The following DDX21 variants were observed in gnomAD, a reference collection of about 807,000 sequenced individuals.
DDX21 encodes the protein nucleolar RNA helicase 2.
DDX21 carries 18 observed loss-of-function variants against 90.0 expected under a neutral mutation model. The ratio of observed to expected loss-of-function variants is 0.20; its 90% CI spans 0.14 to 0.30. DDX21 has a LOEUF of 0.30. Ranked by LOEUF, DDX21 falls within the 10% of genes least tolerant of loss-of-function variation. The probability of loss-of-function intolerance (pLI) is 1.00; values close to 1 mark genes in which losing one functional copy is unlikely to be tolerated. For synonymous variants in DDX21, 294 were observed against 318.0 expected, an observed-to-expected ratio of 0.92 and a Z score of 0.80; for missense variants, 673 against 944.5, an observed-to-expected ratio of 0.71 and a Z score of 3.77.
At chr10:68,958,315 C>CTAGGG (rs1436647285) in intron 1 of DDX21, among the ~76,000 whole-genome samples, 1 of 152,140 alleles carries the variant, frequency 6.6e-6, no homozygotes, top group East Asian at 1.9e-4. Flanking sequence ...GTCACCCAAG[C>CTAGGG]TAGAGTGCAG....
rs760908575 is a variant in DDX21 at position 68,959,791 on chromosome 10, A to G, written c.88-15A>G. 4 of 1,513,478 alleles carry G rather than the reference A, an allele frequency of 2.6e-6. No individual in the cohort carries two copies. The highest frequency in any genetic ancestry group is 2.5e-5 in the Admixed American group (1 of 40,200). The allele number at this position is 1,513,478 out of a possible 1,614,324, so 93.8% of individuals were successfully genotyped here. On this transcript the variant is annotated splice_polypyrimidine_tract_variant and intron_variant, in intron 1 of 14. Transcript: ENST00000354185. Reference sequence around the variant, plus strand: ...CTTATTCAGTGTTTGTATTTTCCTTATGAATTTTTTTTAGAAAGAGAAAAA... The same window carrying G: ...CTTATTCAGTGTTTGTATTTTCCTTGTGAATTTTTTTTAGAAAGAGAAAAA...
chr10:68,956,617 A>G (rs993603048), intron 1 of DDX21: 2 of 1,215,332 alleles, frequency 1.6e-6, no homozygotes, highest in African/African-American at 3.1e-5. Context: ...CGGGTGTCCC[A>G]CGTGGTCCCC....
chr10:68,962,553 C>T (rs1018484743), intron 3 of DDX21, among the ~76,000 whole-genome samples: 1 of 152,138 alleles, frequency 6.6e-6, no homozygotes, highest in African/African-American at 2.4e-5. Context: ...GAGTTCAAGG[C>T]TTCAGTGAAC....
chr10:68,965,552 T>C (rs957340415), intron 5 of DDX21, 58 bp downstream of exon 5: 17 of 1,261,986 alleles, frequency 1.3e-5, no homozygotes, highest in African/African-American at 8.9e-5. Context: ...ACTGCTCTGA[T>C]TGGATTTCTT....
At position 68,982,575 on chromosome 10, in the gene DDX21, C is replaced by T. The variant is rs573732690; in HGVS notation, c.2115C>T (p.Leu705=). The change falls in exon 15 of 15, where the codon CTC becomes CTT. Residue 705 remains leucine, a synonymous_variant. Coordinates refer to ENST00000354185, the MANE Select transcript of DDX21 (RefSeq NM_004728.4). The part of the protein sequence containing the change: ...EKWHDSRRWQ[L]SVATEQPELE... ...GGCATGATTCACGACGCTGGCAGCTCTCTGTGGCCACAGAGCAACCAGAAC... is the reference window on the plus strand; with the variant it reads ...GGCATGATTCACGACGCTGGCAGCTTTCTGTGGCCACAGAGCAACCAGAAC... 16 of 1,613,216 alleles carry T rather than the reference C, an allele frequency of 9.9e-6. No homozygotes were observed. In the African/African-American group the frequency reaches 2.0e-4, roughly 20 times the overall value.
chr10:68,979,807 G>A (rs1292131233), intron 13 of DDX21, among the ~76,000 whole-genome samples: 5 of 152,152 alleles, frequency 3.3e-5, no homozygotes, highest in Admixed American at 6.6e-5. Flanking sequence ...TTTCATAGGA[G>A]GATAAGATCC....
rs1408525135 is a variant in DDX21 at position 68,963,614 on chromosome 10, A to T, written c.786+145A>T. 6 of 582,190 alleles carry T rather than the reference A, an allele frequency of 1.0e-5. No homozygotes were observed. The Admixed American group carries it at 1.1e-4, about 11-fold the overall frequency. 36.1% of individuals were successfully genotyped at this position (582,190 alleles called of 1,614,324 possible). On this transcript the variant is annotated intron_variant, in intron 4 of 14. Coordinates refer to ENST00000354185, the MANE Select transcript of DDX21 (RefSeq NM_004728.4). The stretch of plus-strand genomic sequence containing the variant: ...GATCTTTATGTGAAAGTAATCCAGG[A>T]CAATTCTTTTATATTTAATAATTAA...
chr10:68,971,704 G>T lies in DDX21; in HGVS notation c.1387-187G>T, dbSNP rs115023229. On this transcript the variant is annotated intron_variant, in intron 8 of 14. Coordinates refer to ENST00000354185, the MANE Select transcript of DDX21 (RefSeq NM_004728.4). ...CAATAAGTAAAGTTGGATACAGTTG[G>T]AATTGATAACTGAGGATTTGGAAAT... is the stretch of plus-strand genomic sequence containing the variant. Among the ~76,000 whole-genome samples, 1,036 of 152,318 alleles carry T rather than the reference G, an allele frequency of 6.8e-3. 15 individuals carry two copies. The highest frequency in any genetic ancestry group is 0.024 in the African/African-American group (991 of 41,560).
intron 12 of DDX21, among the ~76,000 whole-genome samples, chr10:68,978,297 A>G (rs1395439228): frequency 6.6e-6 from 1 of 152,170 alleles, no homozygotes; most frequent in East Asian, 1.9e-4. Context: ...AATTTTAGAT[A>G]GTGCTGAATG....
At chr10:68,980,240 T>TAA (rs537982171) in intron 13 of DDX21, among the ~76,000 whole-genome samples, 1 of 150,854 alleles carries the variant, frequency 6.6e-6, no homozygotes, top group Non-Finnish European at 1.5e-5. Flanking sequence ...AACTCCGTCT[T>TAA]AAAAAAAAAA....
chr10:68,981,594 CT>C lies in DDX21; in HGVS notation c.2082+15del. The C allele has an allele frequency of 1.2e-6, 2 of 1,601,984 alleles. No homozygotes were observed. The highest frequency in any genetic ancestry group is 1.7e-6 in the Non-Finnish European group (2 of 1,171,424). On this transcript the variant is annotated intron_variant, in intron 14 of 14. Transcript: ENST00000354185. ...AACAGAAATACAGGTATTCTTTTCC[CT>C]TAGATTTTAAAGTTAACATACCTAA...
At chr10:68,971,240 A>G (rs777662083) in intron 8 of DDX21, among the ~76,000 whole-genome samples, 24 of 151,260 alleles carry the variant, frequency 1.6e-4, no homozygotes, top group Non-Finnish European at 3.1e-4. Flanking sequence ...TTTATCTTCA[A>G]CTTTTAGGTT....
At chr10:68,968,927 G>C (rs1422683407) in intron 6 of DDX21, 49 bp from the exon 7 acceptor site, 4 of 1,599,816 alleles carry the variant, frequency 2.5e-6, no homozygotes, top group South Asian at 1.1e-5. Context: ...ATACTATGTA[G>C]GCTTGTTTGG....
At chr10:68,965,555 G>C (rs1011614011) in intron 5 of DDX21, 61 bp downstream of exon 5, 3 of 1,255,278 alleles carry the variant, frequency 2.4e-6, no homozygotes, top group Non-Finnish European at 3.5e-6. Context: ...GCTCTGATTG[G>C]ATTTCTTTTC....
At chr10:68,970,438 A>G in intron 8 of DDX21, 88 bp downstream of exon 8, 1 of 1,297,764 alleles carries the variant, frequency 7.7e-7, no homozygotes, top group Non-Finnish European at 1.0e-6. Context: ...ATTTTCATTC[A>G]TTCAGTGAAT....
At chr10:68,970,379 CTG>C in intron 8 of DDX21, 29 bp downstream of exon 8, 1 of 1,598,536 alleles carries the variant, frequency 6.3e-7, no homozygotes, top group Non-Finnish European at 8.5e-7. Context: ...GCCAGCAAAA[CTG>C]GGGATATCAA....
intron 13 of DDX21, among the ~76,000 whole-genome samples, chr10:68,980,183 T>C (rs2132096210): frequency 6.6e-6 from 1 of 152,194 alleles, no homozygotes; most frequent in South Asian, 2.1e-4. Flanking sequence ...GAGGTTGCGG[T>C]GAGCCGAGAT....
At chr10:68,979,087 A>T in intron 13 of DDX21, 111 bp downstream of exon 13, 1 of 1,451,494 alleles carries the variant, frequency 6.9e-7, no homozygotes, top group East Asian at 2.3e-5. Flanking sequence ...TCACTCTCTC[A>T]TCTTCCCTGG....
At chr10:68,967,294 C>A in intron 6 of DDX21, 91 bp downstream of exon 6, 1 of 1,304,220 alleles carries the variant, frequency 7.7e-7, no homozygotes, top group Non-Finnish European at 1.0e-6. Flanking sequence ...ATGCCTCAGC[C>A]ACCCTAGTAA....
Sources: allele counts gnomAD v4.1 joint callset (sites outside exome capture counted in the v4.1 genomes callset), GRCh38; gene constraint gnomAD v4.1.1; transcripts MANE v1.5; gene names NCBI Gene and HGNC (gene_info 2026-07-23, HGNC 2026-07-21).